The following SDK1 variants were observed in gnomAD, a reference collection of about 807,000 sequenced individuals.
The protein encoded by SDK1 is sidekick cell adhesion molecule 1.
A neutral mutation model predicts 245.5 loss-of-function variants in SDK1; 157 were observed. That is an observed-to-expected ratio of 0.64 (90% CI 0.56 to 0.73). The LOEUF (loss-of-function observed/expected upper bound fraction) is 0.73, where lower values mean the gene tolerates loss of function less well. Among genes scored for constraint, SDK1 ranks in the 30% least tolerant of loss-of-function variants. The probability of loss-of-function intolerance (pLI) is 0.00; values close to 1 mark genes in which losing one functional copy is unlikely to be tolerated. For missense variants in SDK1, 3,583 were observed against 3,002.3 expected, an observed-to-expected ratio of 1.19 and a Z score of -4.52; for synonymous variants, 1,647 against 1,278.5, an observed-to-expected ratio of 1.29 and a Z score of -6.15.
intron 17 of SDK1, among the ~76,000 whole-genome samples, chr7:4,022,568 A>T (rs1218605795): frequency 6.6e-6 from 1 of 152,132 alleles, no homozygotes; most frequent in Non-Finnish European, 1.5e-5. Flanking sequence ...CCTGGTTGGC[A>T]CAAGCAGCAG....
chr7:3,705,924 A>G (rs1490764165), intron 4 of SDK1, among the ~76,000 whole-genome samples: 1 of 152,096 alleles, frequency 6.6e-6, no homozygotes, highest in Non-Finnish European at 1.5e-5. Flanking sequence ...GATGGCTTTT[A>G]TTTTGAGGTA....
At chr7:3,786,518 C>G (rs1426742710) in intron 4 of SDK1, among the ~76,000 whole-genome samples, 1 of 152,150 alleles carries the variant, frequency 6.6e-6, no homozygotes, top group African/African-American at 2.4e-5. Context: ...ATAGTTAATA[C>G]TCTTATAAGC....
intron 4 of SDK1, among the ~76,000 whole-genome samples, chr7:3,815,792 A>AT (rs1191540929): frequency 6.6e-6 from 1 of 150,632 alleles, no homozygotes; most frequent in Non-Finnish European, 1.5e-5. Flanking sequence ...CAGAATATAC[A>AT]TTTTTTTCAG....
intron 38 of SDK1, among the ~76,000 whole-genome samples, chr7:4,215,269 A>G (rs546599835): frequency 2.6e-4 from 39 of 152,284 alleles, no homozygotes; most frequent in African/African-American, 8.7e-4. Context: ...AAGATTCCCA[A>G]TTGGTGGGTG....
chr7:3,844,935 C>T (rs1312876658), intron 5 of SDK1, among the ~76,000 whole-genome samples: 1 of 152,196 alleles, frequency 6.6e-6, no homozygotes, highest in African/African-American at 2.4e-5. Context: ...GAGCTTATGA[C>T]ATCATACTTT....
chr7:3,564,302 T>A (rs938356605), intron 1 of SDK1, among the ~76,000 whole-genome samples: 1 of 152,014 alleles, frequency 6.6e-6, no homozygotes, highest in Non-Finnish European at 1.5e-5. Flanking sequence ...GATAGACCTC[T>A]GACAGACTCA....
intron 19 of SDK1, among the ~76,000 whole-genome samples, chr7:4,052,140 T>G (rs899273799): frequency 6.7e-6 from 1 of 150,198 alleles, no homozygotes; most frequent in Non-Finnish European, 1.5e-5. Flanking sequence ...TAGAGTTCAA[T>G]TTCTGATTCC....
At chr7:3,557,524 A>G (rs964895240) in intron 1 of SDK1, among the ~76,000 whole-genome samples, 3 of 152,154 alleles carry the variant, frequency 2.0e-5, no homozygotes, top group Non-Finnish European at 2.9e-5. Flanking sequence ...GGACACAGGA[A>G]CCCACACATG....
At chr7:3,620,553 T>TTGGCCTGCCA (rs1781906293) in intron 2 of SDK1, among the ~76,000 whole-genome samples, 1 of 152,210 alleles carries the variant, frequency 6.6e-6, no homozygotes, top group Non-Finnish European at 1.5e-5. Context: ...TCTGCCTGCC[T>TTGGCCTGCCA]TGGCCTGCCA....
chr7:3,658,119 T>C (rs1783245255), intron 4 of SDK1, among the ~76,000 whole-genome samples: 2 of 152,206 alleles, frequency 1.3e-5, no homozygotes, highest in Non-Finnish European at 2.9e-5. Flanking sequence ...ACACCCTGGC[T>C]TGCCCGCCTC....
At chr7:3,606,177 A>G (rs1374660296) in intron 1 of SDK1, among the ~76,000 whole-genome samples, 1 of 152,118 alleles carries the variant, frequency 6.6e-6, no homozygotes, top group Non-Finnish European at 1.5e-5. Flanking sequence ...TGACAACTAC[A>G]TCTTTCTGGT....
intron 4 of SDK1, among the ~76,000 whole-genome samples, chr7:3,768,000 T>G (rs1230045629): frequency 6.6e-6 from 1 of 152,210 alleles, no homozygotes; most frequent in Non-Finnish European, 1.5e-5. Context: ...GTGCTGTTAC[T>G]TTCATCCCTG....
chr7:3,364,127 C>G (rs1367958206), intron 1 of SDK1, among the ~76,000 whole-genome samples: 1 of 152,116 alleles, frequency 6.6e-6, no homozygotes, highest in African/African-American at 2.4e-5. Flanking sequence ...TATCCATTTT[C>G]TAACTGGATC....
chr7:3,378,726 C>A (rs968601311), intron 1 of SDK1, among the ~76,000 whole-genome samples: 1 of 151,984 alleles, frequency 6.6e-6, no homozygotes, highest in Non-Finnish European at 1.5e-5. Context: ...AAGGTTCTCA[C>A]GCAGGAGCTC....
chr7:3,769,828 G>A (rs973293341), intron 4 of SDK1, among the ~76,000 whole-genome samples: 13 of 151,936 alleles, frequency 8.6e-5, no homozygotes, highest in African/African-American at 3.1e-4. Flanking sequence ...TCTTCCTCCA[G>A]TCCTGGGGTC....
chr7:3,405,876 G>A (rs954825745), intron 1 of SDK1, among the ~76,000 whole-genome samples: 1 of 139,828 alleles, frequency 7.2e-6, no homozygotes, highest in African/African-American at 2.7e-5. Flanking sequence ...GCAGTGGCAT[G>A]TTCTCAGCTC....
chr7:3,803,431 C>T (rs1397189892), intron 4 of SDK1, among the ~76,000 whole-genome samples: 1 of 151,924 alleles, frequency 6.6e-6, no homozygotes, highest in Non-Finnish European at 1.5e-5. Flanking sequence ...CCACCTCAGC[C>T]TCCTGAGTAG....
intron 5 of SDK1, among the ~76,000 whole-genome samples, chr7:3,883,165 G>A (rs1339819965): frequency 6.6e-6 from 1 of 152,148 alleles, no homozygotes; most frequent in East Asian, 1.9e-4. Flanking sequence ...TTCACGGGGT[G>A]GCCAGTGGGC....
At chr7:4,003,441 CACTG>C (rs1337465430) in intron 14 of SDK1, among the ~76,000 whole-genome samples, 3 of 152,224 alleles carry the variant, frequency 2.0e-5, no homozygotes, top group Non-Finnish European at 2.9e-5. Context: ...TCACTGCAGT[CACTG>C]CCCCCTTCCG....
Sources: gnomAD v4.1 joint callset for allele counts (sites outside exome capture counted in the v4.1 genomes callset) on GRCh38, gnomAD v4.1.1 for gene constraint, MANE v1.5 for transcripts, NCBI Gene and HGNC (gene_info 2026-07-23, HGNC 2026-07-21) for gene names.